The following CHEK1 variants were observed in gnomAD, a reference collection of about 807,000 sequenced individuals.
CHEK1 encodes the protein serine/threonine-protein kinase Chk1.
A neutral mutation model predicts 60.2 loss-of-function variants in CHEK1; 32 were observed. The ratio of observed to expected loss-of-function variants is 0.53; its 90% CI spans 0.40 to 0.71. The LOEUF (loss-of-function observed/expected upper bound fraction) is 0.71. Among genes scored for constraint, CHEK1 ranks in the 30% least tolerant of loss-of-function variants. The probability of loss-of-function intolerance (pLI) is 0.00; values close to 1 mark genes in which losing one functional copy is unlikely to be tolerated. For synonymous variants in CHEK1, 179 were observed against 187.2 expected (o/e 0.96, Z 0.36); for missense variants, 399 against 564.6 (o/e 0.71, Z 2.97).
chr11:125,626,349 G>A, intron 1 of CHEK1: 1 of 434,750 alleles, frequency 2.3e-6, no homozygotes, highest in Non-Finnish European at 4.1e-6. Flanking sequence ...GAGCAATTGG[G>A]AGGAGGCGCT....
At chr11:125,672,746 CAGAA>C in intron 13 of CHEK1, 1 of 1,612,422 alleles carries the variant, frequency 6.2e-7, no homozygotes, top group Non-Finnish European at 8.5e-7. Context: ...GACTAGTGAG[CAGAA>C]AGCTTCGTCC....
chr11:125,629,293 G>C lies in CHEK1; in HGVS notation c.351G>C (p.Gly117=). 1 of 1,614,054 alleles carries C rather than the reference G, an allele frequency of 6.2e-7. No homozygotes were observed. Among genetic ancestry groups the C allele is most frequent in the Non-Finnish European group, 8.5e-7 (1 of 1,179,978 alleles). The change falls in exon 4 of 13, where the codon GGG becomes GGC. Residue 117 remains glycine, a synonymous_variant. Transcript: ENST00000438015. ...AQRFFHQLMA[G]VVYLHGIGIT... Reference sequence around the variant, plus strand: ...GATTCTTCCATCAACTCATGGCAGGGGTGGTAGGTATAGTTGTCTATTTCC... The same window carrying C: ...GATTCTTCCATCAACTCATGGCAGGCGTGGTAGGTATAGTTGTCTATTTCC...
chr11:125,631,304 AAAG>A (rs1193720155), intron 5 of CHEK1, among the ~76,000 whole-genome samples: 1 of 152,162 alleles, frequency 6.6e-6, no homozygotes, highest in Non-Finnish European at 1.5e-5. Context: ...TCTTTTAAAA[AAAG>A]AAATAAAATG....
intron 3 of CHEK1, 105 bp downstream of exon 3, chr11:125,627,935 A>T (rs1269016865): frequency 1.2e-6 from 1 of 856,526 alleles, no homozygotes; most frequent in African/African-American, 1.7e-5. Context: ...TGCTCATGCA[A>T]CTGTGAAATT....
downstream of CHEK1, among the ~76,000 whole-genome samples, chr11:125,678,921 T>G (rs1406756049): frequency 2.8e-5 from 4 of 141,790 alleles, no homozygotes; most frequent in African/African-American, 1.1e-4. Context: ...GGGTTGGGGA[T>G]TCAGAGAGCA....
At chr11:125,677,457 AG>A (rs1386917477), downstream of CHEK1, among the ~76,000 whole-genome samples, 3 of 152,228 alleles carry the variant, frequency 2.0e-5, no homozygotes, top group Non-Finnish European at 2.9e-5. Context: ...AAGCTAATGA[AG>A]GTTAGTCTTC....
intron 13 of CHEK1, among the ~76,000 whole-genome samples, chr11:125,665,489 C>T (rs1038170991): frequency 5.3e-5 from 8 of 151,810 alleles, no homozygotes; most frequent in African/African-American, 1.7e-4. Flanking sequence ...GTAATGCTGG[C>T]CTGGTAAAAT....
chr11:125,661,058 G>A (rs1194947719), downstream of CHEK1, among the ~76,000 whole-genome samples: 1 of 152,164 alleles, frequency 6.6e-6, no homozygotes, highest in African/African-American at 2.4e-5. Context: ...TTACAAGCGT[G>A]AGCCACTGCG....
chr11:125,637,103 C>A (rs910031932), intron 7 of CHEK1, among the ~76,000 whole-genome samples: 2 of 152,078 alleles, frequency 1.3e-5, no homozygotes, highest in Non-Finnish European at 2.9e-5. Flanking sequence ...AAGGAGGTCA[C>A]GTGAGAACAT....
intron 13 of CHEK1, among the ~76,000 whole-genome samples, chr11:125,668,803 C>G (rs1390502409): frequency 6.6e-6 from 1 of 152,104 alleles, no homozygotes; most frequent in Non-Finnish European, 1.5e-5. Flanking sequence ...GCAATCCTCC[C>G]ATGTCAGCCT....
chr11:125,660,138 T>A (rs1408003413), downstream of CHEK1, among the ~76,000 whole-genome samples: 5 of 152,246 alleles, frequency 3.3e-5, no homozygotes, highest in East Asian at 7.7e-4. Flanking sequence ...ATAAGGCTGC[T>A]GTGCACATTC....
At chr11:125,637,678 AAAAT>A (rs776742924) in intron 8 of CHEK1, 134 bp downstream of exon 8, 8 of 486,058 alleles carry the variant, frequency 1.6e-5, no homozygotes, top group South Asian at 5.0e-5. Flanking sequence ...CCAGTAGAAA[AAAAT>A]ACAGAAATAA....
chr11:125,644,996 A>C (rs1941446061), intron 11 of CHEK1, among the ~76,000 whole-genome samples: 1 of 152,248 alleles, frequency 6.6e-6, no homozygotes, highest in African/African-American at 2.4e-5. Flanking sequence ...CAACAGAGTG[A>C]GACTGTCTCA....
At chr11:125,674,052 G>A (rs757427828) in intron 13 of CHEK1, among the ~76,000 whole-genome samples, 2 of 152,134 alleles carry the variant, frequency 1.3e-5, no homozygotes, top group Non-Finnish European at 2.9e-5. Context: ...TCAGGAGGGT[G>A]AGGCAGGAGA....
chr11:125,646,895 T>G (rs907878138), intron 11 of CHEK1, among the ~76,000 whole-genome samples: 1 of 152,180 alleles, frequency 6.6e-6, no homozygotes, highest in African/African-American at 2.4e-5. Flanking sequence ...TATCCCATTC[T>G]GTGGGAGAAA....
intron 6 of CHEK1, among the ~76,000 whole-genome samples, chr11:125,634,736 C>A (rs1940999738): frequency 6.6e-6 from 1 of 152,128 alleles, no homozygotes; most frequent in South Asian, 2.1e-4. Flanking sequence ...GTCTCAAAGG[C>A]CCCACCTCCG....
At position 125,653,225 on chromosome 11, in the gene CHEK1, G is replaced by GT. The variant is rs561179526; in HGVS notation, c.1234-514dup. 9.2e-4 allele frequency among the ~76,000 whole-genome samples: 140 copies of GT among 151,850 alleles called. No homozygotes were observed. Among genetic ancestry groups the GT allele is most frequent in the African/African-American group, 3.3e-3 (136 of 41,398 alleles). On this transcript the variant is annotated intron_variant, in intron 11 of 12. Coordinates refer to ENST00000438015, the MANE Select transcript of CHEK1 (RefSeq NM_001114122.3). The surrounding 1 kb of genome is among the most constrained non-coding windows in gnomAD (Gnocchi z 4.3). ...ATCTGTTTGCTTGGCTTTTTGTTTTGTTTTTTTGAGACAGGGTCTCGCTCT... is the reference window on the plus strand; with the variant it reads ...ATCTGTTTGCTTGGCTTTTTGTTTTGTTTTTTTTGAGACAGGGTCTCGCTCT...
chr11:125,629,501 T>TA, intron 5 of CHEK1, 41 bp downstream of exon 5: 1 of 1,367,172 alleles, frequency 7.3e-7, no homozygotes, highest in Non-Finnish European at 1.0e-6. Flanking sequence ...TAAAATAAAA[T>TA]AATTACCTAA....
intron 8 of CHEK1, among the ~76,000 whole-genome samples, chr11:125,640,013 A>C (rs528408449): frequency 6.6e-6 from 1 of 152,252 alleles, no homozygotes; most frequent in South Asian, 2.1e-4. Context: ...AATGGTAATA[A>C]AATTTCTCTT....
Sources: allele counts gnomAD v4.1 joint callset (sites outside exome capture counted in the v4.1 genomes callset), GRCh38; gene constraint gnomAD v4.1.1; non-coding constraint Gnocchi (gnomAD v3.1); transcripts MANE v1.5; gene names NCBI Gene and HGNC (gene_info 2026-07-23, HGNC 2026-07-21).